Variants in SYTL2 observed in about 807,000 individuals in gnomAD.
SYTL2 encodes the protein synaptotagmin-like protein 2.
A neutral mutation model predicts 198.7 loss-of-function variants in SYTL2; 165 were observed. The observed-to-expected ratio is 0.83, with a 90% CI of 0.73 to 0.94. SYTL2 has a LOEUF of 0.94. Among genes scored for constraint, SYTL2 ranks in the 40% least tolerant of loss-of-function variants. SYTL2 has a pLI of 0.00. For synonymous variants in SYTL2, 966 were observed against 917.7 expected, an observed-to-expected ratio of 1.05 and a Z score of -0.95; for missense variants, 2,835 against 2,582.8, an observed-to-expected ratio of 1.10 and a Z score of -2.12.
At chr11:85,815,132 T>TGATA (rs918216691), upstream of SYTL2, among the ~76,000 whole-genome samples, 88 of 152,318 alleles carry the variant, frequency 5.8e-4, 1 homozygote, top group African/African-American at 2.1e-3. Flanking sequence ...AATAAATGCT[T>TGATA]GATAAGTTGC....
the SYTL2 span, among the ~76,000 whole-genome samples, chr11:85,834,519 ATATC>A: frequency 6.6e-6 from 1 of 152,096 alleles, no homozygotes; most frequent in East Asian, 1.9e-4. Context: ...CAAATTAATA[ATATC>A]TATCTTATAA....
Position 85,734,462 on chromosome 11 carries a change from A to G in SYTL2, c.867T>C (p.Arg289=), listed in dbSNP as rs1340301048. 1.2e-6 allele frequency: 2 copies of G among 1,614,172 alleles called. No homozygotes were observed. Among genetic ancestry groups the G allele is most frequent in the South Asian group, 2.2e-5 (2 of 91,074 alleles). The stretch of plus-strand genomic sequence containing the variant: ...TTTTGGGTTCAAAGTTGTGATTATA[A>G]CGAAGGGTTTCTGAGTCTGTGCTAC... ...SSSSTDSETL[R]YNHNFEPKSK... Residue 289 remains arginine, a synonymous_variant, in exon 7 of 20, where the codon CGT becomes CGC. Transcript: ENST00000359152.
intron 1 of SYTL2, among the ~76,000 whole-genome samples, chr11:85,796,748 G>C (rs763228917): frequency 6.6e-6 from 1 of 152,230 alleles, no homozygotes; most frequent in Non-Finnish European, 1.5e-5. Flanking sequence ...GGCACAGAGT[G>C]AAAGTAGGCA....
At chr11:85,705,276 G>A in intron 15 of SYTL2, 1 of 344,820 alleles carries the variant, frequency 2.9e-6, no homozygotes, top group African/African-American at 2.1e-5. Flanking sequence ...TATCATAGTT[G>A]GTAATAGCTC....
chr11:85,844,138 CT>C, the SYTL2 span, among the ~76,000 whole-genome samples: 8 of 152,338 alleles, frequency 5.3e-5, no homozygotes, highest in East Asian at 1.3e-3. Context: ...AGCAGTCCCC[CT>C]GTTGGTGACT....
the SYTL2 span, among the ~76,000 whole-genome samples, chr11:85,847,768 A>G: frequency 1.3e-5 from 2 of 152,132 alleles, no homozygotes; most frequent in Non-Finnish European, 2.9e-5. Flanking sequence ...GAATATATCT[A>G]TTTTTTGGAG....
chr11:85,823,321 T>C, the SYTL2 span, among the ~76,000 whole-genome samples: 1 of 152,216 alleles, frequency 6.6e-6, no homozygotes, highest in Admixed American at 6.5e-5. Context: ...TAGCCTTAAA[T>C]AGAATATCAA....
intron 15 of SYTL2, among the ~76,000 whole-genome samples, chr11:85,707,014 A>G (rs1192031559): frequency 1.3e-5 from 2 of 151,836 alleles, no homozygotes; most frequent in African/African-American, 4.8e-5. Context: ...TCATTTTTGT[A>G]TTTTTAGTAC....
At chr11:85,776,585 C>T (rs1020231916) in intron 1 of SYTL2, among the ~76,000 whole-genome samples, 1 of 152,136 alleles carries the variant, frequency 6.6e-6, no homozygotes, top group Non-Finnish European at 1.5e-5. Context: ...GAACTCATCC[C>T]TTTTTTGTGG....
chr11:85,777,812 C>CATTT, intron 1 of SYTL2, among the ~76,000 whole-genome samples: 1 of 63,332 alleles, frequency 1.6e-5, no homozygotes, highest in South Asian at 7.6e-4. Context: ...GGTCTTACTT[C>CATTT]TTTTTTTTTT....
the SYTL2 span, among the ~76,000 whole-genome samples, chr11:85,833,154 GGAAAGAAAGAAAGAAAGAAA>G: frequency 3.6e-5 from 2 of 55,686 alleles, no homozygotes; most frequent in Non-Finnish European, 7.2e-5. Flanking sequence ...AAGGAAGGAA[GGAAAGAAAGAAAGAAAGAAA>G]GAAAGAAACA....
Position 85,733,944 on chromosome 11 carries a change from G to C in SYTL2, c.1385C>G (p.Pro462Arg). Residue 462 changes from proline to arginine, a missense_variant, in exon 7 of 20, where the codon CCT becomes CGT. Coordinates refer to ENST00000359152, the MANE Select transcript of SYTL2 (RefSeq NM_206927.4). ...AGTAGTGACAACTCTCTTACCAGCA[G>C]GGCTTCTGGGTAATACAGATTCAAG... The part of the protein sequence containing the change: ...TRLESVLPRS[P>R]ADELSHCVEP... 1 of 1,613,560 alleles carries C rather than the reference G, an allele frequency of 6.2e-7. No individual in the cohort carries two copies. Among genetic ancestry groups the C allele is most frequent in the Non-Finnish European group, 8.5e-7 (1 of 1,179,682 alleles).
Position 85,709,365 on chromosome 11 carries a change from C to A in SYTL2, c.5881G>T (p.Ala1961Ser). 1 of 1,614,150 alleles carries A rather than the reference C, an allele frequency of 6.2e-7. No individual in the cohort carries two copies. The highest frequency in any genetic ancestry group is 8.5e-7 in the Non-Finnish European group (1 of 1,180,040). ...HVFVAQCKDLAAADVKKQRSD... is the reference protein window; with the variant it reads ...HVFVAQCKDLSAADVKKQRSD... ...CGCTGTTTTTTTACATCCGCTGCTG[C>A]TAAGTCCTTACACTGGGCCACAAAA... Residue 1961 changes from alanine (A) to serine (S), a missense_variant, in exon 14 of 20, where the codon GCA (alanine) becomes TCA (serine). Coordinates refer to ENST00000359152, the MANE Select transcript of SYTL2 (RefSeq NM_206927.4).
In SYTL2 at chr11:85,727,008, C is replaced by T; in HGVS notation, c.2350G>A (p.Val784Met). ...ACTCTTTTGTATTTCTCTCTCTGCA[C>T]TTGGTTCTTGGGAACCTCACCAGCT... is the stretch of plus-strand genomic sequence containing the variant. ...QEAGEVPKNQ[V>M]QREKYKRVSD... The change falls in exon 8 of 20, where the codon GTG becomes ATG. Residue 784 changes from valine (V) to methionine (M), a missense_variant. This residue lies in a region of SYTL2 where 2,645 missense variants were observed against 2,381.7 expected (regional missense o/e 1.11). Transcript: ENST00000359152. 1 of 1,536,582 alleles carries T rather than the reference C, an allele frequency of 6.5e-7. No homozygotes were observed. The highest frequency in any genetic ancestry group is 8.7e-7 in the Non-Finnish European group (1 of 1,146,976).
chr11:85,816,944 T>C, the SYTL2 span, among the ~76,000 whole-genome samples: 2 of 150,680 alleles, frequency 1.3e-5, no homozygotes, highest in South Asian at 4.2e-4. Flanking sequence ...AAGACCATCT[T>C]ATAAGAGAGT....
At chr11:85,715,194 T>C (rs1184166253) in intron 11 of SYTL2, 3 of 152,184 alleles carry the variant, frequency 2.0e-5, no homozygotes, top group African/African-American at 7.2e-5. Flanking sequence ...CTTTCTGATA[T>C]AGAAAGTATA....
At chr11:85,833,098 A>AGAAGGAAGGAAGGAAGGAAG in the SYTL2 span, among the ~76,000 whole-genome samples, 5 of 32,530 alleles carry the variant, frequency 1.5e-4, no homozygotes, top group East Asian at 2.4e-3. Context: ...AAAGAAAGAA[A>AGAAGGAAGGAAGGAAGGAAG]GAAGGAAGGA....
intron 19 of SYTL2, 58 bp from the exon 20 acceptor site, chr11:85,695,398 A>T (rs2083275295): frequency 7.0e-7 from 1 of 1,422,594 alleles, no homozygotes; most frequent in African/African-American, 1.4e-5. Flanking sequence ...TAGGGGAAAG[A>T]GGGAAAGTTA....
At chr11:85,821,524 A>G in the SYTL2 span, among the ~76,000 whole-genome samples, 3 of 152,208 alleles carry the variant, frequency 2.0e-5, no homozygotes, top group Admixed American at 2.0e-4. Flanking sequence ...TAGGAAGCAA[A>G]GGGAGCAGAA....
Sources: allele counts gnomAD v4.1 joint callset (sites outside exome capture counted in the v4.1 genomes callset), GRCh38; gene constraint gnomAD v4.1.1; regional missense constraint gnomAD v4.1.1; transcripts MANE v1.5; gene names NCBI Gene and HGNC (gene_info 2026-07-23, HGNC 2026-07-21).